Variants in DSG2 observed in about 807,000 individuals in gnomAD.
DSG2 encodes the protein desmoglein-2.
DSG2 carries 45 observed loss-of-function variants against 75.6 expected under a neutral mutation model. That is an observed-to-expected ratio of 0.60 (90% CI 0.47 to 0.76). The LOEUF (loss-of-function observed/expected upper bound fraction) is 0.76. Among genes scored for constraint, DSG2 ranks in the 30% least tolerant of loss-of-function variants. The pLI is 0.00. For synonymous variants in DSG2, 429 were observed against 483.9 expected, an observed-to-expected ratio of 0.89 and a Z score of 1.49; for missense variants, 1,267 against 1,357.4, an observed-to-expected ratio of 0.93 and a Z score of 1.05.
At chr18:31,508,500 T>C (rs534433169) in intron 1 of DSG2, among the ~76,000 whole-genome samples, 1 of 152,152 alleles carries the variant, frequency 6.6e-6, no homozygotes, top group Admixed American at 6.5e-5. Flanking sequence ...TTCAAGTGAT[T>C]CTTGTGCCTC....
In DSG2 at chr18:31,546,077, C is replaced by G. The variant is rs576107985; in HGVS notation, c.2691C>G (p.Ala897=). The stretch of plus-strand genomic sequence containing the variant: ...CAGTTCCAAAATCTTTGCAAGAAGC[C>G]AATGCAGAGAAAGTAACTCAGGAAA... ...SFPVPKSLQE[A]NAEKVTQEIV... Residue 897 remains alanine (A), a synonymous_variant, in exon 15 of 15, where the codon GCC becomes GCG. Coordinates refer to ENST00000261590, the MANE Select transcript of DSG2 (RefSeq NM_001943.5). The G allele has an allele frequency of 6.2e-7, 1 of 1,614,162 alleles. No individual in the cohort carries two copies. The highest frequency in any genetic ancestry group is 1.3e-5 in the African/African-American group (1 of 75,036).
At chr18:31,521,920 G>A (rs889327889) in intron 5 of DSG2, among the ~76,000 whole-genome samples, 163 bp from the exon 6 acceptor site, 10 of 152,036 alleles carry the variant, frequency 6.6e-5, no homozygotes, top group African/African-American at 1.9e-4. Flanking sequence ...TCCCATTCAC[G>A]CTTATGTCCT....
rs559524105 is a variant in DSG2 at position 31,517,406 on chromosome 18, A to G, written c.46-833A>G. 3.3e-4 allele frequency among the ~76,000 whole-genome samples: 51 copies of G among 152,344 alleles called. No individual in the cohort carries two copies. In the East Asian group the frequency reaches 8.9e-3, roughly 26 times the overall value. On this transcript the variant is annotated intron_variant, in intron 1 of 14. Transcript: ENST00000261590. ...GGGTGACTATAGTTTACAATAACCT[A>G]TTATACATATCAAAGCAGCTAGAAG...
intron 11 of DSG2, 94 bp downstream of exon 11, chr18:31,536,523 C>A: frequency 7.7e-7 from 1 of 1,306,120 alleles, no homozygotes; most frequent in Non-Finnish European, 1.1e-6. Context: ...AATTATATTT[C>A]CAATATAGTT....
At chr18:31,521,378 A>G in intron 5 of DSG2, 135 bp downstream of exon 5, 1 of 939,526 alleles carries the variant, frequency 1.1e-6, no homozygotes, top group Non-Finnish European at 1.6e-6. Flanking sequence ...AAAGCAGTTC[A>G]GAACTGCTTT....
At position 31,548,748 on chromosome 18, in the gene DSG2, T is replaced by C. The variant is rs564850170; in HGVS notation, c.*2005T>C. ...ACATTTTCTAAATGATTTTCTTTGTTCCTGAAAAAGTGATTTGTATTAGTT... is the reference window on the plus strand; with the variant it reads ...ACATTTTCTAAATGATTTTCTTTGTCCCTGAAAAAGTGATTTGTATTAGTT... On this transcript the variant is annotated 3_prime_UTR_variant, in exon 15 of 15. Transcript: ENST00000261590. 3.3e-5 allele frequency: 5 copies of C among 152,320 alleles called. No individual in the cohort carries two copies. In the East Asian group the frequency reaches 9.6e-4, roughly 29 times the overall value. The allele number at this position is 152,320 out of a possible 1,614,324, so 9.4% of individuals were successfully genotyped here.
At chr18:31,524,999 C>CA in intron 8 of DSG2, 111 bp downstream of exon 8, 1 of 1,031,766 alleles carries the variant, frequency 9.7e-7, no homozygotes, top group South Asian at 1.4e-5. Context: ...AATTAACTAG[C>CA]ACTACAGTTG....
chr18:31,523,094 G>C (rs998417044), intron 6 of DSG2, among the ~76,000 whole-genome samples: 1 of 152,154 alleles, frequency 6.6e-6, no homozygotes, highest in African/African-American at 2.4e-5. Context: ...AGTGCACTAC[G>C]TTCAGTATTT....
At chr18:31,519,209 T>G (rs2073112409) in intron 2 of DSG2, among the ~76,000 whole-genome samples, 1 of 152,180 alleles carries the variant, frequency 6.6e-6, no homozygotes, top group Non-Finnish European at 1.5e-5. Flanking sequence ...TACTAAATGA[T>G]TCTTTAAACT....
rs1228424896 is a variant in DSG2 at position 31,536,186 on chromosome 18, C to G, written c.1424-16C>G. The stretch of plus-strand genomic sequence containing the variant: ...TAGGAACAGAATGTACATACTTTTT[C>G]TCTCTTATTTTTAAGATTATCCTAG... On this transcript the variant is annotated splice_polypyrimidine_tract_variant and intron_variant, in intron 10 of 14. Transcript: ENST00000261590. 2 of 1,611,544 alleles carry G rather than the reference C, an allele frequency of 1.2e-6. No individual in the cohort carries two copies. The highest frequency in any genetic ancestry group is 4.5e-5 in the East Asian group (2 of 44,836).
chr18:31,545,397 T>C (rs1293463425), intron 14 of DSG2, among the ~76,000 whole-genome samples: 1 of 152,242 alleles, frequency 6.6e-6, no homozygotes, highest in East Asian at 1.9e-4. Flanking sequence ...TATTTCAGTT[T>C]AGCCAACTAT....
In DSG2 at chr18:31,518,264, T is replaced by G; in HGVS notation, c.71T>G (p.Leu24Arg). 6.2e-7 allele frequency: 1 copy of G among 1,613,538 alleles called. No individual in the cohort carries two copies. The part of the protein sequence containing the change: ...LLICFNVGSG[L>R]HLQVLSTRNE... ...ATCTGCTTTAACGTTGGAAGTGGAC[T>G]TCACTTACAGGTGAGGAAACAAAGG... Residue 24 changes from leucine (L) to arginine (R), a missense_variant, in exon 2 of 15, where the codon CTT becomes CGT. By Grantham distance (102) the Leu-to-Arg change is moderately radical. Coordinates refer to ENST00000261590, the MANE Select transcript of DSG2 (RefSeq NM_001943.5).
Position 31,542,636 on chromosome 18 carries a change from A to C in DSG2, c.2118A>C (p.Lys706Asn). Residue 706 changes from lysine to asparagine, a missense_variant, in exon 14 of 15, where the codon AAA becomes AAC. Transcript: ENST00000261590. Reference protein sequence around the residue: ...MKGSSSASIVKGQHEMSEMDG... With the variant: ...MKGSSSASIVNGQHEMSEMDG... ...GAAGTAGCTCTGCTTCCATTGTCAA[A>C]GGGCAACATGAGATGTCCGAGATGG... The C allele has an allele frequency of 6.2e-7, 1 of 1,614,174 alleles. No homozygotes were observed. The highest frequency in any genetic ancestry group is 8.5e-7 in the Non-Finnish European group (1 of 1,180,030).
intron 3 of DSG2, 76 bp downstream of exon 3, chr18:31,520,013 A>T: frequency 6.4e-7 from 1 of 1,574,280 alleles, no homozygotes; most frequent in African/African-American, 1.3e-5. Flanking sequence ...TGTCTACTTT[A>T]AGATTTAAGG....
rs748980350 is a variant in DSG2 at position 31,541,127 on chromosome 18, G to A, written c.1880-66G>A. 75 of 1,607,100 alleles carry A rather than the reference G, an allele frequency of 4.7e-5. No individual in the cohort carries two copies. The Middle Eastern group carries it at 6.6e-4, about 14-fold the overall frequency. ...GAAGGGACATGCAAATTCCAAAATT[G>A]TGCAATATAAATTTAGAAATATATC... is the stretch of plus-strand genomic sequence containing the variant. On this transcript the variant is annotated intron_variant, in intron 12 of 14. Transcript: ENST00000261590.
intron 14 of DSG2, chr18:31,543,121 A>T: frequency 2.9e-6 from 1 of 344,540 alleles, no homozygotes; most frequent in Non-Finnish European, 5.2e-6. Flanking sequence ...TTTGCCAGTC[A>T]GTCAGCTCTG....
intron 1 of DSG2, among the ~76,000 whole-genome samples, chr18:31,502,776 G>A (rs553900845): frequency 2.0e-5 from 3 of 151,420 alleles, no homozygotes; most frequent in Admixed American, 6.6e-5. Context: ...AAGGAGGGAA[G>A]AAAGGAAGGG....
chr18:31,535,822 G>T (rs555212102), intron 10 of DSG2, among the ~76,000 whole-genome samples: 260 of 151,944 alleles, frequency 1.7e-3, no homozygotes, highest in South Asian at 3.1e-3. Context: ...AGTTGCTTGT[G>T]TCTGTAGTCC....
At chr18:31,542,969 T>TTTTTC (rs773378523) in intron 14 of DSG2, 117 bp downstream of exon 14, 50 of 970,756 alleles carry the variant, frequency 5.2e-5, no homozygotes, top group Non-Finnish European at 7.0e-5. Context: ...GTTTTTTTTT[T>TTTTTC]TTTTCTTTTT....
Sources: allele counts gnomAD v4.1 joint callset (sites outside exome capture counted in the v4.1 genomes callset), GRCh38; gene constraint gnomAD v4.1.1; transcripts MANE v1.5; gene names NCBI Gene and HGNC (gene_info 2026-07-23, HGNC 2026-07-21).